Variants in CCT6B observed in about 807,000 individuals in gnomAD.
CCT6B encodes probable T-complex protein 1 subunit zeta-2.
CCT6B carries 49 observed loss-of-function variants against 61.5 expected under a neutral mutation model. The observed-to-expected ratio is 0.80, with a 90% CI of 0.63 to 1.01. CCT6B has a LOEUF of 1.01. CCT6B is among the 50% of genes least tolerant of loss of function. The pLI, the probability that CCT6B is intolerant of heterozygous loss-of-function variation, is 0.00. For synonymous variants in CCT6B, 228 were observed against 214.5 expected (o/e 1.06, Z -0.55); for missense variants, 666 against 634.7 (o/e 1.05, Z -0.53).
At chr17:34,952,641 T>C (rs1385106131) in intron 4 of CCT6B, among the ~76,000 whole-genome samples, 1 of 152,192 alleles carries the variant, frequency 6.6e-6, no homozygotes, top group East Asian at 1.9e-4. Flanking sequence ...TACGTCTCAT[T>C]TATTCTGTCA....
intron 5 of CCT6B, among the ~76,000 whole-genome samples, chr17:34,946,119 A>G (rs2090220922): frequency 1.3e-5 from 2 of 152,206 alleles, no homozygotes; most frequent in African/African-American, 4.8e-5. Context: ...CCTCACATGG[A>G]CTTACAATCG....
In CCT6B at chr17:34,946,411, A is replaced by C. The variant is rs144947547; in HGVS notation, c.615-3505T>G. 7.2e-4 allele frequency among the ~76,000 whole-genome samples: 110 copies of C among 152,342 alleles called. 1 individual carries two copies. Among genetic ancestry groups the C allele is most frequent in the East Asian group, 7.7e-4 (4 of 5,188 alleles). On this transcript the variant is annotated intron_variant, in intron 5 of 13. Coordinates refer to ENST00000314144, the MANE Select transcript of CCT6B (RefSeq NM_006584.4). ...CATGAACATATTAAACATATGTTTA[A>C]AGAAAGAAAAAAGGGCAAGTTTGGA... is the stretch of plus-strand genomic sequence containing the variant.
chr17:34,942,627 A>C lies in CCT6B; in HGVS notation c.742T>G (p.Phe248Val). The C allele has an allele frequency of 6.3e-7, 1 of 1,591,434 alleles. No individual in the cohort carries two copies. The highest frequency in any genetic ancestry group is 1.2e-5 in the South Asian group (1 of 86,342). The change falls in exon 7 of 14, where the codon TTC becomes GTC. Residue 248 changes from phenylalanine to valine, a missense_variant. Physicochemically the swap from Phe to Val is conservative, Grantham distance 50. Coordinates refer to ENST00000314144, the MANE Select transcript of CCT6B (RefSeq NM_006584.4). ...TTCTCTTCTGCAGTCTTATAAAAGA[A>C]ACCAGAGTTCACCTCTCTAAAAGAT... ...EYEKTEVNSG[F>V]FYKTAEEKEK...
At chr17:34,932,557 G>A in intron 10 of CCT6B, 57 bp from the exon 11 acceptor site, 1 of 1,498,954 alleles carries the variant, frequency 6.7e-7, no homozygotes, top group Non-Finnish European at 9.0e-7. Context: ...AAAAGAGAGA[G>A]AGAGACAGAA....
At chr17:34,961,221 C>A in intron 1 of CCT6B, 36 bp downstream of exon 1, 1 of 1,574,964 alleles carries the variant, frequency 6.3e-7, no homozygotes, top group Non-Finnish European at 8.6e-7. Context: ...CAACGGGCCC[C>A]TAGCCGCGTA....
chr17:34,944,740 C>T lies in CCT6B; in HGVS notation c.615-1834G>A, dbSNP rs535082176. ...AGGAGATCGAGACCATCCTGGCTAA[C>T]ACGGTGAAACCCCATCTCTACTAAA... On this transcript the variant is annotated intron_variant, in intron 5 of 13. Coordinates refer to ENST00000314144, the MANE Select transcript of CCT6B (RefSeq NM_006584.4). Among the ~76,000 whole-genome samples, 46 of 152,324 alleles carry T rather than the reference C, an allele frequency of 3.0e-4. No homozygotes were observed. In the South Asian group the frequency reaches 9.1e-3, roughly 30 times the overall value.
Position 34,959,646 on chromosome 17 carries a change from C to T in CCT6B, c.142G>A (p.Val48Ile). ...AGTTTGATGTCACCTGCACCAGAAA[C>T]AAGCCTGTTCAGAGAAGAATGATAT... ...LGPKGTMKML[V>I]SGAGDIKLTK... The change falls in exon 2 of 14, where the codon GTT (valine) becomes ATT (isoleucine). Residue 48 changes from valine (V) to isoleucine (I), a missense_variant. Transcript: ENST00000314144. 1 of 1,607,308 alleles carries T rather than the reference C, an allele frequency of 6.2e-7. No individual in the cohort carries two copies. Among genetic ancestry groups the T allele is most frequent in the East Asian group, 2.2e-5 (1 of 44,836 alleles).
chr17:34,940,717 T>C (rs910533046), intron 7 of CCT6B, 96 bp from the exon 8 acceptor site: 1 of 515,014 alleles, frequency 1.9e-6, no homozygotes, highest in Non-Finnish European at 3.4e-6. Context: ...TTAAAAATGA[T>C]TAAGCACCCA....
intron 5 of CCT6B, among the ~76,000 whole-genome samples, chr17:34,947,707 C>T (rs750000872): frequency 4.1e-4 from 62 of 152,038 alleles, no homozygotes; most frequent in African/African-American, 1.4e-3. Context: ...GATGGCTGGG[C>T]GCGGTGGCTC....
chr17:34,932,415 AGCTCTTCCTTTTATACT>A lies in CCT6B; in HGVS notation c.1282_1298del (p.Ile429SerfsTer8). 2.5e-6 allele frequency: 4 copies of A among 1,612,326 alleles called. No homozygotes were observed. Among genetic ancestry groups the A allele is most frequent in the Non-Finnish European group, 3.4e-6 (4 of 1,179,270 alleles). Reference sequence around the variant, plus strand: ...CAGCAAAAGCTTGGACTCCAAGACGAGCTCTTCCTTTTATACTGTTCTTATATGTAACAAGAGCTTCA... The same window carrying A: ...CAGCAAAAGCTTGGACTCCAAGACGAGTTCTTATATGTAACAAGAGCTTCA... On this transcript the variant is annotated frameshift_variant, in exon 11 of 14. Transcript: ENST00000314144. LOFTEE classifies it high-confidence loss of function.
At chr17:34,943,105 C>G (rs2090184886) in intron 5 of CCT6B, 199 bp from the exon 6 acceptor site, 1 of 454,194 alleles carries the variant, frequency 2.2e-6, no homozygotes, top group East Asian at 3.7e-5. Context: ...TGGCCACGAA[C>G]TCCTGGGCTC....
intron 5 of CCT6B, chr17:34,949,449 A>G (rs1379462313): frequency 6.7e-6 from 1 of 149,834 alleles, no homozygotes; most frequent in Non-Finnish European, 1.5e-5. Flanking sequence ...AACAAGAGAG[A>G]AACACCATCT....
Position 34,961,370 on chromosome 17 carries a change from G to A in CCT6B, c.24C>T (p.Asn8=), listed in dbSNP as rs752707782. 5 of 1,610,564 alleles carry A rather than the reference G, an allele frequency of 3.1e-6. No individual in the cohort carries two copies. In the East Asian group the frequency reaches 1.1e-4, roughly 36 times the overall value. The change falls in exon 1 of 14, where the codon AAC becomes AAT. Residue 8 remains asparagine, a synonymous_variant. Transcript: ENST00000314144. MAAIKAV[N]SKAEVARARA... Reference sequence around the variant, plus strand: ...GGGCCCGCGCCACCTCAGCCTTGGAGTTGACGGCCTTTATCGCAGCCATAG... The same window carrying A: ...GGGCCCGCGCCACCTCAGCCTTGGAATTGACGGCCTTTATCGCAGCCATAG...
chr17:34,961,401 C>G lies in CCT6B; in HGVS notation c.-8G>C, dbSNP rs2090416485. ...GGCCTTTATCGCAGCCATAGCCTAA[C>G]CGTTCAGAGGGAGAAAAAAAAAAAG... On this transcript the variant is annotated 5_prime_UTR_variant, in exon 1 of 14. Transcript: ENST00000314144. The G allele has an allele frequency of 1.3e-6, 2 of 1,593,214 alleles. No individual in the cohort carries two copies. Among genetic ancestry groups the G allele is most frequent in the Non-Finnish European group, 8.5e-7 (1 of 1,173,962 alleles).
At chr17:34,938,469 T>C (rs1370632510) in intron 10 of CCT6B, among the ~76,000 whole-genome samples, 1 of 151,970 alleles carries the variant, frequency 6.6e-6, no homozygotes, top group African/African-American at 2.4e-5. Context: ...GGTGGGAGGA[T>C]CACTTGAGCA....
chr17:34,958,481 G>T, intron 3 of CCT6B, 79 bp downstream of exon 3: 1 of 811,132 alleles, frequency 1.2e-6, no homozygotes, highest in Non-Finnish European at 1.8e-6. Flanking sequence ...AAAATTAACT[G>T]TCTAAAACTC....
intron 7 of CCT6B, among the ~76,000 whole-genome samples, chr17:34,941,528 A>T (rs556302372): frequency 1.6e-4 from 24 of 152,220 alleles, no homozygotes; most frequent in Admixed American, 3.3e-4. Flanking sequence ...CTAATTTTTT[A>T]AAAAAGTTCA....
At chr17:34,942,931 A>G in intron 5 of CCT6B, 25 bp from the exon 6 acceptor site, 2 of 1,299,876 alleles carry the variant, frequency 1.5e-6, no homozygotes, top group Non-Finnish European at 2.2e-6. Context: ...AATGTTTCTT[A>G]CTTTGAATAT....
chr17:34,942,443 G>A, intron 7 of CCT6B, 41 bp downstream of exon 7: 1 of 1,517,850 alleles, frequency 6.6e-7, no homozygotes, highest in Non-Finnish European at 8.9e-7. Flanking sequence ...AAATGCTTAA[G>A]AACATTTACA....
Sources: gnomAD v4.1 joint callset for allele counts (sites outside exome capture counted in the v4.1 genomes callset) on GRCh38, gnomAD v4.1.1 for gene constraint, MANE v1.5 for transcripts, NCBI Gene and HGNC (gene_info 2026-07-23, HGNC 2026-07-21) for gene names.